PRELID3A: variants seen among roughly 807,000 people sequenced by gnomAD.
PRELID3A encodes the protein PRELI domain containing protein 3A.
In PRELID3A, 27 loss-of-function variants were observed where a neutral mutation model predicts 23.0. The observed-to-expected ratio is 1.17, with a 90% CI of 0.87 to 1.62. PRELID3A has a LOEUF of 1.62. Among genes scored for constraint, PRELID3A ranks in the 40% most tolerant of loss-of-function variants. The pLI, the probability that PRELID3A is intolerant of heterozygous loss-of-function variation, is 0.00. For synonymous variants in PRELID3A, 87 were observed against 86.4 expected (o/e 1.01, Z -0.04); for missense variants, 231 against 231.4 (o/e 1.00, Z 0.01).
At chr18:12,413,591 A>T (rs139121554) in intron 1 of PRELID3A, among the ~76,000 whole-genome samples, 2 of 151,594 alleles carry the variant, frequency 1.3e-5, no homozygotes, top group African/African-American at 2.4e-5. Context: ...TTATTTATTT[A>T]TTTTTTTTCC....
rs757286145 is a variant in PRELID3A at position 12,421,555 on chromosome 18, AG to A, written c.219del (p.Thr74HisfsTer2). The A allele has an allele frequency of 3.7e-5, 59 of 1,613,100 alleles. No homozygotes were observed. Among genetic ancestry groups the A allele is most frequent in the Middle Eastern group, 1.6e-4 (1 of 6,082 alleles). On this transcript the variant is annotated frameshift_variant, in exon 3 of 7. Coordinates refer to ENST00000440960, the MANE Select transcript of PRELID3A (RefSeq NM_001142405.2). LOFTEE classifies it high-confidence loss of function. ...SLVRAILGTS[R>X]TLTYIREHSV... ...TGTTTTCTAGATTTTGGGAACCAGT[AG>A]GACATTGACATACATCCGAGAACAT...
intron 1 of PRELID3A, among the ~76,000 whole-genome samples, chr18:12,418,452 T>G (rs1450676713): frequency 6.6e-6 from 1 of 152,216 alleles, no homozygotes; most frequent in Non-Finnish European, 1.5e-5. Context: ...AATCCCAGTT[T>G]AATTTTTCAA....
chr18:12,416,048 T>C (rs1285906215), intron 1 of PRELID3A, among the ~76,000 whole-genome samples: 1 of 152,192 alleles, frequency 6.6e-6, no homozygotes, highest in East Asian at 1.9e-4. Context: ...CTCTTGAAAA[T>C]AAACTTCAGC....
chr18:12,423,382 G>A (rs543110929), intron 3 of PRELID3A, among the ~76,000 whole-genome samples: 3 of 152,258 alleles, frequency 2.0e-5, no homozygotes, highest in African/African-American at 7.2e-5. Flanking sequence ...GGGGATGTTG[G>A]GACCTGAGCC....
chr18:12,421,546 G>A lies in PRELID3A; in HGVS notation c.208G>A (p.Gly70Arg). The change falls in exon 3 of 7, where the codon GGA (glycine) becomes AGA (arginine). Residue 70 changes from glycine to arginine, a missense_variant. Transcript: ENST00000440960. ...GLPSLVRAIL[G>R]TSRTLTYIRE... Reference sequence around the variant, plus strand: ...GTTTTGCTTTGTTTTCTAGATTTTGGGAACCAGTAGGACATTGACATACAT... The same window carrying A: ...GTTTTGCTTTGTTTTCTAGATTTTGAGAACCAGTAGGACATTGACATACAT... 1 of 1,611,012 alleles carries A rather than the reference G, an allele frequency of 6.2e-7. No individual in the cohort carries two copies. Among genetic ancestry groups the A allele is most frequent in the Admixed American group, 1.7e-5 (1 of 59,928 alleles).
In PRELID3A at chr18:12,407,931, A is replaced by AGCGCGCG; in HGVS notation, c.-43_-42insGCGCGGC. The stretch of plus-strand genomic sequence containing the variant: ...CCGCGCCCGGAGCCGCGCGGCCCGA[A>AGCGCGCG]GCACCCGGCCCGGATCGCAGAGCCC... On this transcript the variant is annotated 5_prime_UTR_variant, in exon 1 of 7. Coordinates refer to ENST00000440960, the MANE Select transcript of PRELID3A (RefSeq NM_001142405.2). 1 of 1,278,256 alleles carries AGCGCGCG rather than the reference A, an allele frequency of 7.8e-7. No individual in the cohort carries two copies. Among genetic ancestry groups the AGCGCGCG allele is most frequent in the Non-Finnish European group, 9.8e-7 (1 of 1,015,712 alleles). The allele number at this position is 1,278,256 out of a possible 1,614,324, so 79.2% of individuals were successfully genotyped here.
At chr18:12,419,614 G>C (rs2030080022) in intron 1 of PRELID3A, among the ~76,000 whole-genome samples, 1 of 151,164 alleles carries the variant, frequency 6.6e-6, no homozygotes, top group Non-Finnish European at 1.5e-5. Flanking sequence ...GGGTGATAGA[G>C]TGAGACCCCA....
At chr18:12,430,353 T>C (rs1330326406) in intron 6 of PRELID3A, among the ~76,000 whole-genome samples, 1 of 124,768 alleles carries the variant, frequency 8.0e-6, no homozygotes, top group Non-Finnish European at 1.7e-5. Flanking sequence ...GCGTGGTATG[T>C]ATATATGTGT....
At chr18:12,410,383 G>C (rs1909867878) in intron 1 of PRELID3A, among the ~76,000 whole-genome samples, 1 of 152,226 alleles carries the variant, frequency 6.6e-6, no homozygotes, top group Non-Finnish European at 1.5e-5. Flanking sequence ...TGAAAGCAAA[G>C]GGCCGTAATG....
At chr18:12,415,754 C>T (rs566135475) in intron 1 of PRELID3A, among the ~76,000 whole-genome samples, 2 of 152,304 alleles carry the variant, frequency 1.3e-5, no homozygotes, top group South Asian at 4.1e-4. Flanking sequence ...ATGTAATTTC[C>T]TCCTTCTTCA....
chr18:12,414,713 A>G (rs1426657831), intron 1 of PRELID3A, among the ~76,000 whole-genome samples: 1 of 152,060 alleles, frequency 6.6e-6, no homozygotes, highest in Admixed American at 6.5e-5. Flanking sequence ...ACTCTGCAAC[A>G]GAGTGAGACT....
chr18:12,418,761 A>G (rs2030042289), intron 1 of PRELID3A, among the ~76,000 whole-genome samples: 1 of 152,242 alleles, frequency 6.6e-6, no homozygotes, highest in African/African-American at 2.4e-5. Context: ...GGGAAGGTCC[A>G]TGCTGGACAG....
intron 1 of PRELID3A, among the ~76,000 whole-genome samples, chr18:12,414,564 A>G (rs905689784): frequency 6.6e-6 from 1 of 152,152 alleles, no homozygotes; most frequent in Admixed American, 6.6e-5. Flanking sequence ...CATCTCTACT[A>G]AAAATACAAA....
chr18:12,408,007 G>A lies in PRELID3A; in HGVS notation c.32G>A (p.Gly11Asp), dbSNP rs1011305531. MKIWSSEHVF[G>D]HPWDTVIQAA... ...ATCTGGAGCTCGGAGCACGTGTTTG[G>A]GTGAGGCCGGGCTGAGGGCCGCGGT... Residue 11 changes from glycine (G) to aspartate (D), a missense_variant and splice_region_variant, in exon 1 of 7, where the codon GGC (glycine) becomes GAC (aspartate). Coordinates refer to ENST00000440960, the MANE Select transcript of PRELID3A (RefSeq NM_001142405.2). The A allele has an allele frequency of 3.1e-6, 4 of 1,282,156 alleles. No homozygotes were observed. In the South Asian group the frequency reaches 8.2e-5, roughly 26 times the overall value. The allele number at this position is 1,282,156 out of a possible 1,614,324, so 79.4% of individuals were successfully genotyped here.
At chr18:12,425,544 A>G (rs2030329856) in intron 3 of PRELID3A, among the ~76,000 whole-genome samples, 1 of 151,702 alleles carries the variant, frequency 6.6e-6, no homozygotes, top group Admixed American at 6.6e-5. Flanking sequence ...AGGCAGGAGA[A>G]TGGTGTGAAC....
At chr18:12,429,258 C>T in intron 5 of PRELID3A, 92 bp from the exon 6 acceptor site, 1 of 1,056,678 alleles carries the variant, frequency 9.5e-7, no homozygotes, top group Non-Finnish European at 1.5e-6. Flanking sequence ...GCAGCGCTTG[C>T]CTTCTGCAGT....
chr18:12,431,242 C>G lies in PRELID3A; in HGVS notation c.*126C>G, dbSNP rs531344244. On this transcript the variant is annotated 3_prime_UTR_variant, in exon 7 of 7. Transcript: ENST00000440960. ...GTCTGGCTGCGAGGGCACACAGGGCCGGGGAGGAGGATTAGGCTGGACTGA... is the reference window on the plus strand; with the variant it reads ...GTCTGGCTGCGAGGGCACACAGGGCGGGGGAGGAGGATTAGGCTGGACTGA... 1 of 152,666 alleles carries G rather than the reference C, an allele frequency of 6.6e-6. No individual in the cohort carries two copies. The allele number at this position is 152,666 out of a possible 1,614,324, so 9.5% of individuals were successfully genotyped here. A position where few individuals can be genotyped will look rare whatever the true frequency, so the allele number is the denominator to read the frequency against.
At chr18:12,420,149 G>A (rs913582549) in intron 1 of PRELID3A, 176 bp from the exon 2 acceptor site, 3 of 1,426,950 alleles carry the variant, frequency 2.1e-6, no homozygotes, top group South Asian at 1.5e-5. Context: ...AGGCGTGCAG[G>A]TGCTGAGCCG....
At chr18:12,427,722 T>A (rs945598313) in intron 5 of PRELID3A, among the ~76,000 whole-genome samples, 24 of 151,252 alleles carry the variant, frequency 1.6e-4, no homozygotes, top group African/African-American at 5.8e-4. Context: ...AAATAAAAAA[T>A]AAATAAATAA....
Sources: allele counts gnomAD v4.1 joint callset (sites outside exome capture counted in the v4.1 genomes callset), GRCh38; gene constraint gnomAD v4.1.1; transcripts MANE v1.5; gene names NCBI Gene and HGNC (gene_info 2026-07-23, HGNC 2026-07-21).